The following CCBE1 variants were observed in gnomAD, a reference collection of about 807,000 sequenced individuals.
The protein encoded by CCBE1 is collagen and calcium binding EGF domains 1, also known as collagen and calcium-binding EGF domain-containing protein 1.
In CCBE1, 37 loss-of-function variants were observed where a neutral mutation model predicts 50.0. That is an observed-to-expected ratio of 0.74 (90% CI 0.57 to 0.97). CCBE1 has a LOEUF of 0.97. Among genes scored for constraint, CCBE1 ranks in the 50% least tolerant of loss-of-function variants. The pLI is 0.00. For synonymous variants in CCBE1, 234 were observed against 203.7 expected (o/e 1.15, Z -1.27); for missense variants, 538 against 523.8 (o/e 1.03, Z -0.26).
At chr18:59,696,384 G>A in intron 2 of CCBE1, 3 of 986,844 alleles carry the variant, frequency 3.0e-6, no homozygotes, top group Non-Finnish European at 2.8e-6. Context: ...GTATTTCAGG[G>A]AGCGGCAACC....
At chr18:59,623,779 T>C (rs79832843) in intron 2 of CCBE1, among the ~76,000 whole-genome samples, 3,906 of 152,220 alleles carry the variant, frequency 0.026, 172 homozygotes, top group African/African-American at 0.09. Flanking sequence ...GTCTGCACTA[T>C]TGAAAACACG....
At chr18:59,630,294 A>G (rs10083969) in intron 2 of CCBE1, among the ~76,000 whole-genome samples, 55,628 of 151,704 alleles carry the variant, frequency 0.37, 10,499 homozygotes, top group East Asian at 0.6. Flanking sequence ...AAGTCATTTA[A>G]TCTTCCTTCA....
chr18:59,572,651 C>G (rs1278311055), intron 2 of CCBE1, among the ~76,000 whole-genome samples: 1 of 152,040 alleles, frequency 6.6e-6, no homozygotes, highest in African/African-American at 2.4e-5. Flanking sequence ...AGCCTTATTC[C>G]CTTTCAAAGT....
At chr18:59,541,711 G>C (rs1915471951) in intron 2 of CCBE1, among the ~76,000 whole-genome samples, 1 of 152,188 alleles carries the variant, frequency 6.6e-6, no homozygotes, top group African/African-American at 2.4e-5. Flanking sequence ...TGGAGGAAGA[G>C]TTGAAGGGAA....
At chr18:59,442,413 T>A (rs1426396871) in intron 7 of CCBE1, among the ~76,000 whole-genome samples, 2 of 152,218 alleles carry the variant, frequency 1.3e-5, no homozygotes, top group East Asian at 3.8e-4. Flanking sequence ...GTGTATCATT[T>A]TCTTCCGAGC....
intron 2 of CCBE1, among the ~76,000 whole-genome samples, chr18:59,683,144 C>T (rs965189517): frequency 3.9e-5 from 6 of 152,152 alleles, no homozygotes; most frequent in Admixed American, 2.0e-4. Flanking sequence ...GGGATCCAAA[C>T]CCCTGAATAT....
At chr18:59,467,471 G>C (rs370002632) in intron 4 of CCBE1, among the ~76,000 whole-genome samples, 32 of 152,242 alleles carry the variant, frequency 2.1e-4, no homozygotes, top group African/African-American at 7.7e-4. Flanking sequence ...GGGTCTAATG[G>C]AAAGAGTCTT....
At chr18:59,595,824 G>A (rs1179447590) in intron 2 of CCBE1, among the ~76,000 whole-genome samples, 1 of 152,168 alleles carries the variant, frequency 6.6e-6, no homozygotes, top group South Asian at 2.1e-4. Flanking sequence ...CCAGGATGAG[G>A]GAGTTAAGGC....
chr18:59,562,190 T>C (rs1393055013), intron 2 of CCBE1, among the ~76,000 whole-genome samples: 4 of 144,502 alleles, frequency 2.8e-5, no homozygotes, highest in African/African-American at 8.4e-5. Context: ...CCTTTTAGTA[T>C]GGTCTTTCAT....
chr18:59,465,964 C>T (rs1598924081), intron 5 of CCBE1, among the ~76,000 whole-genome samples: 1 of 152,200 alleles, frequency 6.6e-6, no homozygotes, highest in South Asian at 2.1e-4. Context: ...GGGCATCACT[C>T]TTATTCTTTC....
chr18:59,516,556 A>C (rs2144313266), intron 2 of CCBE1, among the ~76,000 whole-genome samples: 1 of 152,292 alleles, frequency 6.6e-6, no homozygotes, highest in Middle Eastern at 3.4e-3. Flanking sequence ...TCTGTGCTGA[A>C]AAGGAAAGTC....
intron 4 of CCBE1, among the ~76,000 whole-genome samples, chr18:59,468,464 A>C (rs1434199845): frequency 6.6e-6 from 1 of 152,152 alleles, no homozygotes; most frequent in Non-Finnish European, 1.5e-5. Context: ...CCTGAGCCTC[A>C]TGGAATGGCC....
At chr18:59,466,645 T>A in intron 5 of CCBE1, 94 bp downstream of exon 5, 1 of 587,444 alleles carries the variant, frequency 1.7e-6, no homozygotes, top group South Asian at 3.9e-5. Flanking sequence ...AATTATATAA[T>A]CATATCTATA....
At chr18:59,640,197 G>T (rs2053968194) in intron 2 of CCBE1, among the ~76,000 whole-genome samples, 1 of 152,156 alleles carries the variant, frequency 6.6e-6, no homozygotes, top group African/African-American at 2.4e-5. Flanking sequence ...TAAACAAAAA[G>T]AATAGAGATG....
intron 2 of CCBE1, among the ~76,000 whole-genome samples, chr18:59,592,146 C>A (rs559013103): frequency 6.6e-6 from 1 of 152,136 alleles, no homozygotes; most frequent in Admixed American, 6.5e-5. Flanking sequence ...ACCACTTGAG[C>A]CTATGAGTTC....
At chr18:59,659,295 G>A (rs9967055) in intron 2 of CCBE1, among the ~76,000 whole-genome samples, 5 of 148,050 alleles carry the variant, frequency 3.4e-5, no homozygotes, top group Admixed American at 3.4e-4. Flanking sequence ...GAATTTACAT[G>A]TTTTTTTTTT....
rs182358208 is a variant in CCBE1, at chr18:59,641,991, A to G, written c.212+54638T>C. The stretch of plus-strand genomic sequence containing the variant: ...TGAAACTACAAAACTTTAGGAGAGA[A>G]TGCAGGTAGATATTGAGAAAAAATG... On this transcript the variant is annotated intron_variant, in intron 2 of 10. Transcript: ENST00000439986. Among the ~76,000 whole-genome samples the G allele has an allele frequency of 4.0e-3, 612 of 152,070 alleles. 3 individuals are homozygous for G. The highest frequency in any genetic ancestry group is 6.4e-3 in the Non-Finnish European group (433 of 68,016).
chr18:59,664,810 G>C (rs543923962), intron 2 of CCBE1, among the ~76,000 whole-genome samples: 4 of 152,264 alleles, frequency 2.6e-5, no homozygotes, highest in African/African-American at 9.6e-5. Context: ...CAATTCATGC[G>C]ACTGTCTCAT....
rs956356791 is a variant in CCBE1 at position 59,431,669 on chromosome 18, C to G, written c.*4239G>C. 2 of 152,250 alleles carry G rather than the reference C, an allele frequency of 1.3e-5. No homozygotes were observed. Among genetic ancestry groups the G allele is most frequent in the Admixed American group, 1.3e-4 (2 of 15,290 alleles). The allele number at this position is 152,250 out of a possible 1,614,324, so 9.4% of individuals were successfully genotyped here. A position where few individuals can be genotyped will look rare whatever the true frequency, so the allele number is the denominator to read the frequency against. On this transcript the variant is annotated 3_prime_UTR_variant, in exon 11 of 11. Transcript: ENST00000439986. Reference sequence around the variant, plus strand: ...GAAAGATGGCCAAAGCCAGGGTGCTCTTCGCTGGTATTTGGTGGGGTAATA... The same window carrying G: ...GAAAGATGGCCAAAGCCAGGGTGCTGTTCGCTGGTATTTGGTGGGGTAATA...
Sources: gnomAD v4.1 joint callset for allele counts (sites outside exome capture counted in the v4.1 genomes callset) on GRCh38, gnomAD v4.1.1 for gene constraint, MANE v1.5 for transcripts, NCBI Gene and HGNC (gene_info 2026-07-23, HGNC 2026-07-21) for gene names.